The following MYO9B variants were observed in gnomAD, a reference collection of about 807,000 sequenced individuals.
The protein encoded by MYO9B is unconventional myosin-IXb.
A neutral mutation model predicts 229.5 loss-of-function variants in MYO9B; 71 were observed. That is an observed-to-expected ratio of 0.31 (90% CI 0.26 to 0.38). MYO9B has a LOEUF of 0.38. Among genes scored for constraint, MYO9B ranks in the 10% least tolerant of loss-of-function variants. The pLI is 1.00. For missense variants in MYO9B, 2,255 were observed against 2,920.5 expected, an observed-to-expected ratio of 0.77 and a Z score of 5.25; for synonymous variants, 1,185 against 1,235.8, an observed-to-expected ratio of 0.96 and a Z score of 0.86.
At chr19:17,086,290 C>G (rs983449493) in intron 1 of MYO9B, among the ~76,000 whole-genome samples, 9 of 152,188 alleles carry the variant, frequency 5.9e-5, no homozygotes, top group Admixed American at 2.0e-4. Flanking sequence ...ACACTGGGCT[C>G]CTTGTTCTCA....
At chr19:17,198,125 C>T in intron 23 of MYO9B, 59 bp from the exon 24 acceptor site, 12 of 1,602,206 alleles carry the variant, frequency 7.5e-6, no homozygotes, top group Non-Finnish European at 1.0e-5. Flanking sequence ...AGGGGCTTCC[C>T]CATCTAGCAC....
chr19:17,206,903 C>A, intron 34 of MYO9B, 119 bp downstream of exon 34: 1 of 1,222,416 alleles, frequency 8.2e-7, no homozygotes. Context: ...AGGATGCAGA[C>A]CACTGTTGGG....
rs553340645 is a variant in MYO9B, at chr19:17,096,046, ACAGGCATAAGC to A, written c.-58-5611_-58-5601del. Reference sequence around the variant, plus strand: ...CTCGGCCTCCCAAAATGCTGGGATTACAGGCATAAGCCACCGCACTGGCCTTGTCAGGCTTC... The same window carrying A: ...CTCGGCCTCCCAAAATGCTGGGATTACACCGCACTGGCCTTGTCAGGCTTC... On this transcript the variant is annotated intron_variant, in intron 1 of 39. Coordinates refer to ENST00000682292, the MANE Select transcript of MYO9B (RefSeq NM_004145.4). Among the ~76,000 whole-genome samples the A allele has an allele frequency of 4.5e-3, 687 of 152,256 alleles. 2 individuals are homozygous for A. Among genetic ancestry groups the A allele is most frequent in the Non-Finnish European group, 7.0e-3 (474 of 68,018 alleles).
At chr19:17,168,126 C>G (rs1190802635) in intron 11 of MYO9B, 62 bp downstream of exon 11, 2 of 1,588,064 alleles carry the variant, frequency 1.3e-6, no homozygotes, top group Non-Finnish European at 8.6e-7. Context: ...TCAGGTTCTG[C>G]AGCCCCCAGA....
At chr19:17,130,537 G>A (rs1021594908) in intron 2 of MYO9B, among the ~76,000 whole-genome samples, 4 of 151,898 alleles carry the variant, frequency 2.6e-5, no homozygotes, top group Non-Finnish European at 4.4e-5. Flanking sequence ...GGAGAATGGC[G>A]TGAACCCAGG....
At chr19:17,094,348 T>C (rs994358235) in intron 1 of MYO9B, among the ~76,000 whole-genome samples, 2 of 152,170 alleles carry the variant, frequency 1.3e-5, no homozygotes, top group African/African-American at 4.8e-5. Context: ...CACCTGGCCT[T>C]TTTAAGCAGT....
chr19:17,168,969 ATCACGTGACACATACCGAACTACTT>A (rs2145344293), intron 11 of MYO9B, among the ~76,000 whole-genome samples: 1 of 152,276 alleles, frequency 6.6e-6, no homozygotes, highest in Non-Finnish European at 1.5e-5. Context: ...AGTCACTGAA[ATCACGTGACACATACCGAACTACTT>A]TCCTGTGGCT....
chr19:17,170,857 C>A (rs907189539), intron 11 of MYO9B, among the ~76,000 whole-genome samples: 1 of 131,186 alleles, frequency 7.6e-6, no homozygotes, highest in African/African-American at 2.9e-5. Context: ...AAAGTAGAGA[C>A]GGCAGTAGGA....
chr19:17,162,016 G>C (rs1429698111), intron 8 of MYO9B, among the ~76,000 whole-genome samples: 1 of 150,630 alleles, frequency 6.6e-6, no homozygotes, highest in African/African-American at 2.4e-5. Context: ...AGTACAAAGG[G>C]CCATCTTGGC....
Position 17,200,342 on chromosome 19 carries a change from A to G in MYO9B, c.4288A>G (p.Ser1430Gly). 1 of 1,612,954 alleles carries G rather than the reference A, an allele frequency of 6.2e-7. No homozygotes were observed. Among genetic ancestry groups the G allele is most frequent in the Non-Finnish European group, 8.5e-7 (1 of 1,179,430 alleles). Reference protein sequence around the residue: ...FLHKTKDKKYSLEGAEELENA... With the variant: ...FLHKTKDKKYGLEGAEELENA... ...GCATAAAACCAAGGATAAAAAATAC[A>G]GCCTGGAGGGCGCAGAGGAGCTGGA... The change falls in exon 25 of 40, where the codon AGC (serine) becomes GGC (glycine). Residue 1430 changes from serine (S) to glycine (G), a missense_variant. Physicochemically the swap from Ser to Gly is moderately conservative, Grantham distance 56 (BLOSUM62 0). Coordinates refer to ENST00000682292, the MANE Select transcript of MYO9B (RefSeq NM_004145.4).
At chr19:17,170,282 G>T (rs750649884) in intron 11 of MYO9B, among the ~76,000 whole-genome samples, 66 of 152,010 alleles carry the variant, frequency 4.3e-4, no homozygotes, top group Non-Finnish European at 7.2e-4. Flanking sequence ...CATCTCCAAA[G>T]ACCCTATTTT....
At chr19:17,207,328 TAAATG>T (rs1351550749) in intron 35 of MYO9B, 84 bp downstream of exon 35, 35 of 1,511,594 alleles carry the variant, frequency 2.3e-5, no homozygotes, top group Non-Finnish European at 3.0e-5. Context: ...CCTGTGTAAA[TAAATG>T]TGTAAGAAAA....
chr19:17,173,569 G>A (rs79193009), intron 13 of MYO9B, among the ~76,000 whole-genome samples: 9,549 of 152,154 alleles, frequency 0.063, 393 homozygotes, highest in Non-Finnish European at 0.094. Context: ...CTCATGAAAT[G>A]CTGGGATTGC....
At chr19:17,190,652 A>AC (rs71180371) in intron 19 of MYO9B, among the ~76,000 whole-genome samples, 7 of 150,248 alleles carry the variant, frequency 4.7e-5, no homozygotes, top group Non-Finnish European at 8.9e-5. Flanking sequence ...AAAAAAAAAA[A>AC]CAGACTATTT....
At chr19:17,180,789 G>A (rs1190980407) in intron 14 of MYO9B, 138 bp from the exon 15 acceptor site, 2 of 593,982 alleles carry the variant, frequency 3.4e-6, no homozygotes, top group East Asian at 3.0e-5. Context: ...ATTGAGCACA[G>A]TGTCTTTCCC....
chr19:17,149,598 G>A (rs946577030), intron 3 of MYO9B, among the ~76,000 whole-genome samples: 1 of 152,158 alleles, frequency 6.6e-6, no homozygotes, highest in South Asian at 2.1e-4. Flanking sequence ...TGGCCGCAGC[G>A]ATCACACAAA....
rs2072915241 is a variant in MYO9B, at chr19:17,185,989, C to G, written c.2565C>G (p.Ser855=). ...CCTTCTTTATCCGCTGCATCCGTTC[C>G]AATGCTGAAAAGGTGAGTTTCTCTA... The part of the protein sequence containing the change: ...AEPFFIRCIR[S]NAEKKELCFD... Residue 855 remains serine, a synonymous_variant, in exon 18 of 40, where the codon TCC becomes TCG. Coordinates refer to ENST00000682292, the MANE Select transcript of MYO9B (RefSeq NM_004145.4). The G allele has an allele frequency of 6.2e-7, 1 of 1,613,580 alleles. No individual in the cohort carries two copies. The highest frequency in any genetic ancestry group is 1.1e-5 in the South Asian group (1 of 91,092).
intron 13 of MYO9B, among the ~76,000 whole-genome samples, chr19:17,174,354 T>C (rs1174034055): frequency 1.3e-5 from 2 of 152,070 alleles, no homozygotes; most frequent in Non-Finnish European, 2.9e-5. Context: ...TTAAGATCGG[T>C]CTGCCAGGTG....
rs373299911 is a variant in MYO9B, at chr19:17,195,323, G to A, written c.3896G>A (p.Arg1299Gln). 366 of 1,612,474 alleles carry A rather than the reference G, an allele frequency of 2.3e-4. No individual in the cohort carries two copies. Among genetic ancestry groups the A allele is most frequent in the Non-Finnish European group, 3.0e-4 (353 of 1,179,744 alleles). Reference sequence around the variant, plus strand: ...CCCGGAGGCTCCACGCAGATCCAGCGGTACCTGGACGCCGAGCGGCTGGCC... The same window carrying A: ...CCCGGAGGCTCCACGCAGATCCAGCAGTACCTGGACGCCGAGCGGCTGGCC... ...DSPGGSTQIQ[R>Q]YLDAERLASA... Residue 1299 changes from arginine (R) to glutamine (Q), a missense_variant, in exon 22 of 40, where the codon CGG becomes CAG. Physicochemically the swap from Arg to Gln is conservative, Grantham distance 43. Coordinates refer to ENST00000682292, the MANE Select transcript of MYO9B (RefSeq NM_004145.4). The surrounding 1 kb of genome is among the most constrained non-coding windows in gnomAD (Gnocchi z 4.5).
Sources: gnomAD v4.1 joint callset for allele counts (sites outside exome capture counted in the v4.1 genomes callset) on GRCh38, gnomAD v4.1.1 for gene constraint, Gnocchi (gnomAD v3.1) non-coding constraint, MANE v1.5 for transcripts, NCBI Gene and HGNC (gene_info 2026-07-23, HGNC 2026-07-21) for gene names.